CLPTM1: variants seen among roughly 807,000 people sequenced by gnomAD.
The protein encoded by CLPTM1 is putative lipid scramblase CLPTM1.
Under a neutral mutation model 77.3 loss-of-function variants are expected in CLPTM1, and 21 were observed. The ratio of observed to expected loss-of-function variants is 0.27; its 90% confidence interval spans 0.19 to 0.39. CLPTM1 has a LOEUF of 0.39. Ranked by LOEUF, CLPTM1 falls within the 10% of genes least tolerant of loss-of-function variation. The pLI is 1.00. For missense variants in CLPTM1, 642 were observed against 921.2 expected, an observed-to-expected ratio of 0.70 and a Z score of 3.92; for synonymous variants, 373 against 381.0, an observed-to-expected ratio of 0.98 and a Z score of 0.24.
upstream of CLPTM1, chr19:44,955,307 C>A: frequency 7.2e-7 from 1 of 1,390,704 alleles, no homozygotes; most frequent in Non-Finnish European, 9.3e-7. Flanking sequence ...CCCGGCGGGG[C>A]TAGGAAAGCG....
At chr19:44,955,252 C>T (rs1483876441), upstream of CLPTM1, 4 of 1,488,830 alleles carry the variant, frequency 2.7e-6, no homozygotes, top group Admixed American at 6.4e-5. Flanking sequence ...CCGGAAGTGG[C>T]CTTCCTGAGA....
At chr19:44,987,845 C>G in intron 8 of CLPTM1, 1 of 588,690 alleles carries the variant, frequency 1.7e-6, no homozygotes, top group African/African-American at 1.9e-5. Context: ...TCACCCACTC[C>G]CCGCAGCACT....
At chr19:44,959,377 CAG>C (rs1245411998) in intron 1 of CLPTM1, among the ~76,000 whole-genome samples, 1 of 151,646 alleles carries the variant, frequency 6.6e-6, no homozygotes, top group Non-Finnish European at 1.5e-5. Flanking sequence ...GTTTTTGAGA[CAG>C]AGTCATGCTC....
intron 5 of CLPTM1, among the ~76,000 whole-genome samples, chr19:44,980,923 T>A (rs1009722052): frequency 6.6e-6 from 1 of 151,344 alleles, no homozygotes; most frequent in Non-Finnish European, 1.5e-5. Flanking sequence ...CTGCAAGCTC[T>A]GCCTCCCGGG....
At chr19:44,986,616 A>G (rs1467825795) in intron 7 of CLPTM1, 41 bp downstream of exon 7, 1 of 1,604,818 alleles carries the variant, frequency 6.2e-7, no homozygotes, top group Non-Finnish European at 8.5e-7. Context: ...AGAGCCTTTG[A>G]GAGGGTGCTC....
chr19:44,971,747 C>T (rs566337057), intron 2 of CLPTM1, among the ~76,000 whole-genome samples: 5 of 151,732 alleles, frequency 3.3e-5, no homozygotes, highest in East Asian at 1.9e-4. Flanking sequence ...TTTGTAGAGA[C>T]GGGATTTCAT....
intron 4 of CLPTM1, among the ~76,000 whole-genome samples, chr19:44,975,008 C>T (rs1386981744): frequency 6.6e-6 from 1 of 152,132 alleles, no homozygotes; most frequent in Admixed American, 6.6e-5. Context: ...TCCCGGCAAC[C>T]CTGTGAAGCA....
Position 44,987,614 on chromosome 19 carries a change from G to T in CLPTM1, c.1038+191G>T, listed in dbSNP as rs375494894. The stretch of plus-strand genomic sequence containing the variant: ...CCAGCCCTCCAGCCCTAGATGACTG[G>T]GGGTCCTCTCCCCAGGCTGTTCTGT... On this transcript the variant is annotated intron_variant, in intron 8 of 13. Transcript: ENST00000337392. The T allele has an allele frequency of 6.5e-5, 46 of 706,704 alleles. 1 individual carries two copies. The highest frequency in any genetic ancestry group is 4.7e-4 in the South Asian group (25 of 53,316). The allele number at this position is 706,704 out of a possible 1,614,324, so 43.8% of individuals were successfully genotyped here.
At position 44,992,162 on chromosome 19, in the gene CLPTM1, T is replaced by C; in HGVS notation, c.1556-71T>C. On this transcript the variant is annotated intron_variant, in intron 12 of 13. Transcript: ENST00000337392. This position sits in a 1 kb window ranked among gnomAD's most constrained non-coding sequence, Gnocchi z 7.7. The stretch of plus-strand genomic sequence containing the variant: ...GTAGGAAGTGGTGAGGGGGCTGGTA[T>C]GGCCAGTGCAGAGTGCACAGGGGAG... The C allele has an allele frequency of 6.5e-7, 1 of 1,530,316 alleles. No individual in the cohort carries two copies. Among genetic ancestry groups the C allele is most frequent in the Non-Finnish European group, 9.0e-7 (1 of 1,112,698 alleles). The allele number at this position is 1,530,316 out of a possible 1,614,324, so 94.8% of individuals were successfully genotyped here.
At chr19:44,983,973 C>A (rs565459544) in intron 5 of CLPTM1, among the ~76,000 whole-genome samples, 181 of 152,278 alleles carry the variant, frequency 1.2e-3, no homozygotes, top group African/African-American at 4.3e-3. Context: ...AGAAAAAAAA[C>A]AGAAACGTCC....
intron 9 of CLPTM1, among the ~76,000 whole-genome samples, chr19:44,989,072 A>G (rs1971027979): frequency 6.6e-6 from 1 of 152,126 alleles, no homozygotes; most frequent in Non-Finnish European, 1.5e-5. Context: ...GGTCTCAGCT[A>G]CTCGGGAGGC....
chr19:44,972,443 G>GT (rs959844263), intron 2 of CLPTM1, among the ~76,000 whole-genome samples: 15 of 151,610 alleles, frequency 9.9e-5, no homozygotes, highest in African/African-American at 2.7e-4. Context: ...TAGAGACAGG[G>GT]TTTCACCATG....
intron 9 of CLPTM1, 141 bp downstream of exon 9, chr19:44,988,314 T>A: frequency 1.5e-6 from 1 of 673,726 alleles, no homozygotes; most frequent in Non-Finnish European, 2.6e-6. Flanking sequence ...CCTAGTGAGC[T>A]GGGGAGGGGC....
chr19:44,985,158 C>G (rs1970958098), intron 5 of CLPTM1, 60 bp from the exon 6 acceptor site: 4 of 1,284,990 alleles, frequency 3.1e-6, no homozygotes, highest in South Asian at 1.2e-5. Flanking sequence ...GGTCCGGGCT[C>G]TGGAGGCTGC....
rs549077519 is a variant in CLPTM1 at position 44,960,380 on chromosome 19, G to A, written c.73-1583G>A. On this transcript the variant is annotated intron_variant, in intron 1 of 13. Transcript: ENST00000337392. ...CTAGATCCCCAGCTCTGGGTAAGCA[G>A]GGCCCAGATTTCTGTCTAAAATGTT... 1.2e-4 allele frequency among the ~76,000 whole-genome samples: 19 copies of A among 152,282 alleles called. 1 individual carries two copies. In the South Asian group the frequency reaches 2.5e-3, roughly 20 times the overall value.
At chr19:44,986,334 G>GA (rs981948507) in intron 6 of CLPTM1, 121 bp from the exon 7 acceptor site, 83 of 1,348,584 alleles carry the variant, frequency 6.2e-5, no homozygotes, top group Non-Finnish European at 7.0e-5. Flanking sequence ...CCCCATCTCA[G>GA]AAAAAAAAGA....
chr19:44,975,967 A>G (rs373876752), intron 4 of CLPTM1, among the ~76,000 whole-genome samples: 39 of 152,222 alleles, frequency 2.6e-4, no homozygotes, highest in East Asian at 2.5e-3. Flanking sequence ...GGCTCAAGCA[A>G]TCTTTTCACC....
chr19:44,990,281 G>A lies in CLPTM1; in HGVS notation c.1133-114G>A. The A allele has an allele frequency of 9.4e-7, 1 of 1,065,888 alleles. No homozygotes were observed. The highest frequency in any genetic ancestry group is 1.4e-6 in the Non-Finnish European group (1 of 724,946). 66.0% of individuals were successfully genotyped at this position (1,065,888 alleles called of 1,614,324 possible). A position where few individuals can be genotyped will look rare whatever the true frequency, so the allele number is the denominator to read the frequency against. ...GGGTCTCGTTCAGCACCCCTCCTGA[G>A]GACCCAGCCCCACCCCAGGGTGTGA... On this transcript the variant is annotated intron_variant, in intron 9 of 13. Transcript: ENST00000337392. This position sits in a 1 kb window ranked among gnomAD's most constrained non-coding sequence, Gnocchi z 4.8.
chr19:44,955,606 A>G (rs1970450476), intron 1 of CLPTM1, 139 bp downstream of exon 1: 24 of 615,340 alleles, frequency 3.9e-5, no homozygotes, highest in East Asian at 5.1e-5. Flanking sequence ...CGGCCCAGGC[A>G]GGGCCGGACC....
Sources: allele counts gnomAD v4.1 joint callset (sites outside exome capture counted in the v4.1 genomes callset), GRCh38; gene constraint gnomAD v4.1.1; non-coding constraint Gnocchi (gnomAD v3.1); transcripts MANE v1.5; gene names NCBI Gene and HGNC (gene_info 2026-07-23, HGNC 2026-07-21).